Variants in DNM3 observed in about 807,000 individuals in gnomAD.
DNM3 encodes the protein dynamin-3.
DNM3 carries 47 observed loss-of-function variants against 101.6 expected under a neutral mutation model. That is an observed-to-expected ratio of 0.46 (90% CI 0.37 to 0.59). DNM3 has a LOEUF of 0.59. Among genes scored for constraint, DNM3 ranks in the 20% least tolerant of loss-of-function variants. The pLI, the probability that DNM3 is intolerant of heterozygous loss-of-function variation, is 0.00. For missense variants in DNM3, 849 were observed against 1,085.7 expected, an observed-to-expected ratio of 0.78 and a Z score of 3.06; for synonymous variants, 385 against 387.9, an observed-to-expected ratio of 0.99 and a Z score of 0.09.
At chr1:171,972,582 G>A (rs556249905) in intron 2 of DNM3, among the ~76,000 whole-genome samples, 1 of 152,350 alleles carries the variant, frequency 6.6e-6, no homozygotes, top group East Asian at 1.9e-4. Flanking sequence ...TGGCGCAGTG[G>A]CTTATGCCTG....
At chr1:172,350,189 TA>T (rs2067133424) in intron 17 of DNM3, among the ~76,000 whole-genome samples, 1 of 152,288 alleles carries the variant, frequency 6.6e-6, no homozygotes. Flanking sequence ...AAGAATATAA[TA>T]AATGAAAGTC....
intron 1 of DNM3, among the ~76,000 whole-genome samples, chr1:171,883,863 T>A (rs2036538956): frequency 6.6e-6 from 1 of 152,202 alleles, no homozygotes; most frequent in Admixed American, 6.5e-5. Context: ...GTAATTAAAG[T>A]CTTGATGTGT....
chr1:172,115,140 A>G (rs188271048), intron 13 of DNM3, among the ~76,000 whole-genome samples: 11 of 152,332 alleles, frequency 7.2e-5, no homozygotes, highest in Non-Finnish European at 1.3e-4. Flanking sequence ...GTAACAAAAA[A>G]AGTGCAGGTT....
chr1:172,265,308 G>A (rs928123783), intron 15 of DNM3, among the ~76,000 whole-genome samples: 4 of 151,848 alleles, frequency 2.6e-5, no homozygotes, highest in Non-Finnish European at 4.4e-5. Flanking sequence ...CAAGCCAGGT[G>A]ACCAGATTTT....
intron 16 of DNM3, among the ~76,000 whole-genome samples, chr1:172,315,155 G>A (rs1003789123): frequency 2.6e-5 from 4 of 152,270 alleles, no homozygotes; most frequent in African/African-American, 7.2e-5. Flanking sequence ...CTCTAGCAAA[G>A]TCCAACAGAC....
At chr1:171,916,505 G>T (rs2039720362) in intron 1 of DNM3, among the ~76,000 whole-genome samples, 1 of 152,168 alleles carries the variant, frequency 6.6e-6, no homozygotes, top group Admixed American at 6.5e-5. Context: ...TTCATCAGAA[G>T]GAGGGGCATC....
At chr1:172,326,102 G>A (rs932724168) in intron 17 of DNM3, among the ~76,000 whole-genome samples, 1 of 152,118 alleles carries the variant, frequency 6.6e-6, no homozygotes. Context: ...TTCTACAATA[G>A]ATGTGCATTT....
intron 11 of DNM3, among the ~76,000 whole-genome samples, chr1:172,074,501 G>A (rs1050523968): frequency 2.6e-5 from 4 of 151,426 alleles, no homozygotes; most frequent in Non-Finnish European, 4.4e-5. Flanking sequence ...GGTGTGTGAT[G>A]CTCCCTTCCC....
intron 14 of DNM3, among the ~76,000 whole-genome samples, chr1:172,232,757 T>C (rs947435507): frequency 3.3e-5 from 5 of 152,158 alleles, no homozygotes; most frequent in African/African-American, 1.2e-4. Context: ...CTCAACTACA[T>C]GGAAACTGAA....
At chr1:172,416,329 A>G (rs151146685), downstream of DNM3, among the ~76,000 whole-genome samples, 31 of 152,314 alleles carry the variant, frequency 2.0e-4, no homozygotes, top group East Asian at 5.8e-3. Context: ...TATGCAAAAG[A>G]AAGAGCAAAA....
chr1:171,920,019 A>G lies in DNM3; in HGVS notation c.162-1729A>G, dbSNP rs906708357. ...CAAATTTGTAATTTCACTATTTTCT[A>G]TTGTAGTCATATACGTTGACATTCT... On this transcript the variant is annotated intron_variant, in intron 1 of 20. Transcript: ENST00000627582. 2.0e-5 allele frequency among the ~76,000 whole-genome samples: 3 copies of G among 152,162 alleles called. No individual in the cohort carries two copies. In the South Asian group the frequency reaches 6.2e-4, roughly 31 times the overall value.
chr1:172,334,755 C>A (rs1035851336), intron 17 of DNM3, among the ~76,000 whole-genome samples: 7 of 151,668 alleles, frequency 4.6e-5, no homozygotes, highest in Non-Finnish European at 7.4e-5. Flanking sequence ...TGATAATAAC[C>A]AAACAGATTT....
intron 13 of DNM3, among the ~76,000 whole-genome samples, chr1:172,124,148 A>C (rs2056483509): frequency 6.6e-6 from 1 of 152,244 alleles, no homozygotes; most frequent in Admixed American, 6.5e-5. Context: ...CATTAATAAT[A>C]AAATATCAAC....
intron 14 of DNM3, among the ~76,000 whole-genome samples, chr1:172,165,243 A>G (rs890418379): frequency 6.6e-6 from 1 of 152,096 alleles, no homozygotes; most frequent in Non-Finnish European, 1.5e-5. Flanking sequence ...GTCTAAAATT[A>G]TCTCAAAAAA....
intron 14 of DNM3, among the ~76,000 whole-genome samples, chr1:172,217,274 GC>G: frequency 6.6e-6 from 1 of 152,182 alleles, no homozygotes; most frequent in East Asian, 1.9e-4. Flanking sequence ...CTCTTATTTT[GC>G]TGCTGGTCCC....
chr1:172,375,374 A>G (rs2068545209), intron 17 of DNM3, among the ~76,000 whole-genome samples: 1 of 152,032 alleles, frequency 6.6e-6, no homozygotes, highest in African/African-American at 2.4e-5. Flanking sequence ...AGCATCATCA[A>G]CACTATCTTA....
chr1:171,950,220 T>C lies in DNM3; in HGVS notation c.235+28399T>C, dbSNP rs2042430031. Among the ~76,000 whole-genome samples, 4 of 152,152 alleles carry C rather than the reference T, an allele frequency of 2.6e-5. No individual in the cohort carries two copies. In the South Asian group the frequency reaches 8.3e-4, roughly 32 times the overall value. Reference sequence around the variant, plus strand: ...GAAAGAAGCCAGAAAAAAAAGAGTATATATAGTATGATTCTGCAGATGGTC... The same window carrying C: ...GAAAGAAGCCAGAAAAAAAAGAGTACATATAGTATGATTCTGCAGATGGTC... On this transcript the variant is annotated intron_variant, in intron 2 of 20. Coordinates refer to ENST00000627582, the MANE Select transcript of DNM3 (RefSeq NM_015569.5).
chr1:171,888,635 G>A (rs1475014031), intron 1 of DNM3, among the ~76,000 whole-genome samples: 1 of 152,128 alleles, frequency 6.6e-6, no homozygotes, highest in African/African-American at 2.4e-5. Context: ...AGTGCTGTGT[G>A]GATGTGTTAG....
intron 4 of DNM3, among the ~76,000 whole-genome samples, chr1:172,017,385 T>G (rs769542340): frequency 6.6e-6 from 1 of 152,174 alleles, no homozygotes; most frequent in Non-Finnish European, 1.5e-5. Context: ...TTCCACAAAT[T>G]TGGTAAGTTG....
Sources: gnomAD v4.1 joint callset for allele counts (sites outside exome capture counted in the v4.1 genomes callset) on GRCh38, gnomAD v4.1.1 for gene constraint, MANE v1.5 for transcripts, NCBI Gene and HGNC (gene_info 2026-07-23, HGNC 2026-07-21) for gene names.